Variants in GOLM2 observed in about 807,000 individuals in gnomAD.
The protein encoded by GOLM2 is golgi membrane protein 2, also known as protein GOLM2.
A neutral mutation model predicts 55.9 loss-of-function variants in GOLM2; 26 were observed. The observed-to-expected ratio is 0.47, with a 90% CI of 0.34 to 0.65. The LOEUF (loss-of-function observed/expected upper bound fraction) is 0.65, where lower values mean the gene tolerates loss of function less well. Among genes scored for constraint, GOLM2 ranks in the 30% least tolerant of loss-of-function variants. The pLI is 0.01. For synonymous variants in GOLM2, 165 were observed against 194.6 expected (o/e 0.85, Z 1.27); for missense variants, 486 against 531.8 (o/e 0.91, Z 0.85).
intron 6 of GOLM2, among the ~76,000 whole-genome samples, chr15:44,345,198 C>T (rs1407032835): frequency 1.3e-5 from 2 of 151,972 alleles, no homozygotes; most frequent in Admixed American, 6.6e-5. Context: ...CAACTGCCGC[C>T]TCCCAGGTTC....
chr15:44,368,247 C>G (rs890199632), intron 6 of GOLM2, among the ~76,000 whole-genome samples: 7 of 151,716 alleles, frequency 4.6e-5, no homozygotes, highest in African/African-American at 1.5e-4. Context: ...AGTCGATCCT[C>G]CCACCTAAAA....
rs557661419 is a variant in GOLM2, at chr15:44,365,841, G to T, written c.803-13849G>T. Among the ~76,000 whole-genome samples, 6 of 152,212 alleles carry T rather than the reference G, an allele frequency of 3.9e-5. No homozygotes were observed. The South Asian group carries it at 1.2e-3, about 32-fold the overall frequency. On this transcript the variant is annotated intron_variant, in intron 6 of 9. Coordinates refer to ENST00000299957, the MANE Select transcript of GOLM2 (RefSeq NM_138423.4). ...ACCCTAATGTAAACTAGGGACCTTG[G>T]GTGATTACAGTGTGCCAGTGTAAGT...
At chr15:44,298,857 A>T (rs1047961073) in intron 1 of GOLM2, among the ~76,000 whole-genome samples, 15 of 152,166 alleles carry the variant, frequency 9.9e-5, no homozygotes, top group African/African-American at 3.6e-4. Context: ...GTCTTTGCAG[A>T]TGTAATCAAG....
chr15:44,384,895 G>A (rs1413768581), intron 8 of GOLM2, among the ~76,000 whole-genome samples: 5 of 150,886 alleles, frequency 3.3e-5, no homozygotes, highest in African/African-American at 9.7e-5. Flanking sequence ...GCAACAGAGC[G>A]AGACTGCATC....
At chr15:44,331,576 T>A (rs1345648791) in intron 3 of GOLM2, among the ~76,000 whole-genome samples, 2 of 152,220 alleles carry the variant, frequency 1.3e-5, no homozygotes, top group African/African-American at 4.8e-5. Context: ...ATTGGATGAA[T>A]CTTCTGCTGC....
chr15:44,401,580 T>C (rs1308290602), intron 8 of GOLM2, among the ~76,000 whole-genome samples: 5 of 152,202 alleles, frequency 3.3e-5, no homozygotes, highest in Admixed American at 2.6e-4. Flanking sequence ...AATATATTTT[T>C]AAAAATTTAG....
chr15:44,288,947 G>T lies in GOLM2; in HGVS notation c.-83G>T, dbSNP rs1024079034. The T allele has an allele frequency of 1.5e-6, 2 of 1,337,824 alleles. No individual in the cohort carries two copies. The highest frequency in any genetic ancestry group is 1.5e-5 in the African/African-American group (1 of 68,346). 82.9% of individuals were successfully genotyped at this position (1,337,824 alleles called of 1,614,324 possible). On this transcript the variant is annotated 5_prime_UTR_variant, in exon 1 of 10. Transcript: ENST00000299957. Reference sequence around the variant, plus strand: ...CTCGGCCGGCCCTGGGGCCGTGTCCGCCGGGCAACTCCAGCCGAGGCCTGG... The same window carrying T: ...CTCGGCCGGCCCTGGGGCCGTGTCCTCCGGGCAACTCCAGCCGAGGCCTGG...
rs145099680 is a variant in GOLM2, at chr15:44,378,697, T to A, written c.803-993T>A. On this transcript the variant is annotated intron_variant, in intron 6 of 9. Transcript: ENST00000299957. The stretch of plus-strand genomic sequence containing the variant: ...CTTGTGTCAATTTTTATTTGTGCTA[T>A]GCATATAAAAAGGTCTCACTGTTGA... 7.2e-5 allele frequency among the ~76,000 whole-genome samples: 11 copies of A among 152,296 alleles called. No individual in the cohort carries two copies. The East Asian group carries it at 2.1e-3, about 29-fold the overall frequency.
chr15:44,364,794 G>A (rs139085217), intron 6 of GOLM2, among the ~76,000 whole-genome samples: 69 of 152,230 alleles, frequency 4.5e-4, no homozygotes, highest in Middle Eastern at 6.8e-3. Context: ...GCAAACATAT[G>A]AAAAGATGCT....
intron 6 of GOLM2, among the ~76,000 whole-genome samples, chr15:44,373,286 T>G (rs1215098454): frequency 1.3e-5 from 2 of 150,854 alleles, no homozygotes; most frequent in African/African-American, 4.9e-5. Context: ...TGAAACCCCG[T>G]CTCTACTAAA....
chr15:44,390,778 G>A (rs963875376), intron 8 of GOLM2, among the ~76,000 whole-genome samples: 2 of 151,692 alleles, frequency 1.3e-5, no homozygotes, highest in African/African-American at 2.4e-5. Context: ...CATGTTGGTC[G>A]GGCTGGTCTC....
chr15:44,342,244 T>G (rs1334709581), intron 6 of GOLM2, among the ~76,000 whole-genome samples: 1 of 150,454 alleles, frequency 6.6e-6, no homozygotes, highest in East Asian at 1.9e-4. Flanking sequence ...TCTGGATTGT[T>G]TTTTTTTTTA....
chr15:44,366,314 AC>A (rs1006549704), intron 6 of GOLM2, among the ~76,000 whole-genome samples: 9 of 150,692 alleles, frequency 6.0e-5, no homozygotes, highest in South Asian at 2.1e-4. Flanking sequence ...AAAAAAAAAA[AC>A]AAAACAAACA....
rs151021960 is a variant in GOLM2, at chr15:44,328,251, G to A, written c.383-434G>A. Among the ~76,000 whole-genome samples, 285 of 152,288 alleles carry A rather than the reference G, an allele frequency of 1.9e-3. 2 individuals are homozygous for A. The highest frequency in any genetic ancestry group is 6.4e-3 in the African/African-American group (267 of 41,548). ...TCCCAGCACTTTGGGAGGCTGTGGT[G>A]GCCAGATTGCTTGAGCCCACAAGTT... On this transcript the variant is annotated intron_variant, in intron 2 of 9. Coordinates refer to ENST00000299957, the MANE Select transcript of GOLM2 (RefSeq NM_138423.4).
chr15:44,415,493 C>T lies in GOLM2; in HGVS notation c.*2087C>T, dbSNP rs931636498. On this transcript the variant is annotated 3_prime_UTR_variant, in exon 10 of 10. Coordinates refer to ENST00000299957, the MANE Select transcript of GOLM2 (RefSeq NM_138423.4). ...ACATTTCTTCAATTAGCAGTCTAGACATTTTATAAACAGAAATCTTGGACC... is the reference window on the plus strand; with the variant it reads ...ACATTTCTTCAATTAGCAGTCTAGATATTTTATAAACAGAAATCTTGGACC... The T allele has an allele frequency of 2.0e-5, 3 of 152,698 alleles. No individual in the cohort carries two copies. The highest frequency in any genetic ancestry group is 3.4e-3 in the Middle Eastern group (1 of 294). 9.5% of individuals were successfully genotyped at this position (152,698 alleles called of 1,614,324 possible). A position where few individuals can be genotyped will look rare whatever the true frequency, so the allele number is the denominator to read the frequency against.
intron 6 of GOLM2, among the ~76,000 whole-genome samples, chr15:44,369,444 T>C (rs1386490104): frequency 6.6e-6 from 1 of 151,750 alleles, no homozygotes; most frequent in African/African-American, 2.4e-5. Flanking sequence ...CTTTTGTTTA[T>C]TTATTGTTAT....
At chr15:44,293,585 G>C (rs967611904) in intron 1 of GOLM2, among the ~76,000 whole-genome samples, 1 of 152,074 alleles carries the variant, frequency 6.6e-6, no homozygotes, top group Admixed American at 6.6e-5. Flanking sequence ...TCCCTCAATT[G>C]GGAATTGTCT....
intron 6 of GOLM2, among the ~76,000 whole-genome samples, chr15:44,370,895 A>G (rs995567305): frequency 6.6e-6 from 1 of 152,078 alleles, no homozygotes; most frequent in Non-Finnish European, 1.5e-5. Context: ...TCCTGAGCTC[A>G]AGTGATCTCC....
intron 9 of GOLM2, among the ~76,000 whole-genome samples, chr15:44,411,771 T>C (rs1166793096): frequency 2.7e-5 from 4 of 150,266 alleles, no homozygotes; most frequent in Admixed American, 6.6e-5. Flanking sequence ...AGAGGTTGCA[T>C]TGAGCTGAGA....
Sources: allele counts gnomAD v4.1 joint callset (sites outside exome capture counted in the v4.1 genomes callset), GRCh38; gene constraint gnomAD v4.1.1; transcripts MANE v1.5; gene names NCBI Gene and HGNC (gene_info 2026-07-23, HGNC 2026-07-21).